Variants in GRID2 observed in about 807,000 individuals in gnomAD.
GRID2 encodes glutamate ionotropic receptor delta type subunit 2, also known as glutamate receptor ionotropic, delta-2.
Under a neutral mutation model 114.8 loss-of-function variants are expected in GRID2, and 33 were observed. The ratio of observed to expected loss-of-function variants is 0.29; its 90% CI spans 0.22 to 0.38. The LOEUF (loss-of-function observed/expected upper bound fraction) is 0.38. Ranked by LOEUF, GRID2 falls within the 10% of genes least tolerant of loss-of-function variation. GRID2 has a pLI of 1.00. For synonymous variants in GRID2, 505 were observed against 449.9 expected (o/e 1.12, Z -1.55); for missense variants, 1,184 against 1,257.7 (o/e 0.94, Z 0.89).
chr4:93,019,972 T>C (rs765067090), intron 2 of GRID2, among the ~76,000 whole-genome samples: 1 of 152,210 alleles, frequency 6.6e-6, no homozygotes. Flanking sequence ...GGAATCCGAT[T>C]GCCTGTGTTC....
rs528800787 is a variant in GRID2, at chr4:92,528,672, G to A, written c.89-61459G>A. 4.6e-5 allele frequency among the ~76,000 whole-genome samples: 7 copies of A among 151,964 alleles called. No homozygotes were observed. In the South Asian group the frequency reaches 6.2e-4, roughly 14 times the overall value. ...AAGCAGGCAGAGCATACATACATGCGGGGAAAGCCAGCTGAAGAAGTGTGT... is the reference window on the plus strand; with the variant it reads ...AAGCAGGCAGAGCATACATACATGCAGGGAAAGCCAGCTGAAGAAGTGTGT... On this transcript the variant is annotated intron_variant, in intron 1 of 15. Coordinates refer to ENST00000282020, the MANE Select transcript of GRID2 (RefSeq NM_001510.4).
intron 1 of GRID2, among the ~76,000 whole-genome samples, chr4:92,448,775 A>AG (rs1733602230): frequency 6.6e-6 from 1 of 152,128 alleles, no homozygotes; most frequent in Non-Finnish European, 1.5e-5. Context: ...ATTTGGGTAA[A>AG]AAGCATAAAC....
intron 1 of GRID2, among the ~76,000 whole-genome samples, chr4:92,444,924 A>G (rs970489752): frequency 2.0e-5 from 3 of 152,152 alleles, no homozygotes; most frequent in Admixed American, 6.5e-5. Flanking sequence ...AGACAAATCT[A>G]TGAGAAATTA....
intron 14 of GRID2, among the ~76,000 whole-genome samples, chr4:93,657,584 C>G (rs1423675895): frequency 1.3e-5 from 2 of 151,984 alleles, no homozygotes; most frequent in East Asian, 1.9e-4. Flanking sequence ...CCAAGTAATA[C>G]TACACTCTTT....
intron 4 of GRID2, among the ~76,000 whole-genome samples, chr4:93,163,508 C>T (rs1387482673): frequency 6.7e-6 from 1 of 148,972 alleles, no homozygotes; most frequent in Non-Finnish European, 1.5e-5. Flanking sequence ...AAGTGATCTT[C>T]CCACCTCAGT....
chr4:93,027,320 A>G (rs905412444), intron 2 of GRID2, among the ~76,000 whole-genome samples: 24 of 152,108 alleles, frequency 1.6e-4, no homozygotes, highest in African/African-American at 5.8e-4. Context: ...TTCACACTTT[A>G]TTACTAACTT....
rs1429849169 is a variant in GRID2, at chr4:92,999,087, TA to T, written c.245-85907del. On this transcript the variant is annotated intron_variant, in intron 2 of 15. Transcript: ENST00000282020. ...AAATTTAAGTGTGTTTTTAATGTAC[TA>T]TTTTTTTCCATAGGAAATGAAAGCT... Among the ~76,000 whole-genome samples, 4 of 152,038 alleles carry T rather than the reference TA, an allele frequency of 2.6e-5. No individual in the cohort carries two copies. In the East Asian group the frequency reaches 7.7e-4, roughly 29 times the overall value.
chr4:93,567,947 C>T (rs1735587958), intron 13 of GRID2, among the ~76,000 whole-genome samples: 1 of 152,236 alleles, frequency 6.6e-6, no homozygotes, highest in South Asian at 2.1e-4. Context: ...GTATTCACAA[C>T]AGACTGGCAT....
intron 2 of GRID2, among the ~76,000 whole-genome samples, chr4:92,948,263 T>G (rs1351760613): frequency 6.6e-6 from 1 of 151,922 alleles, no homozygotes; most frequent in Non-Finnish European, 1.5e-5. Context: ...GTAACTTTGT[T>G]TGGAATAGAA....
At chr4:93,274,594 C>T (rs1184187894) in intron 8 of GRID2, among the ~76,000 whole-genome samples, 2 of 152,120 alleles carry the variant, frequency 1.3e-5, no homozygotes, top group South Asian at 2.1e-4. Context: ...GAAAAATGCT[C>T]ATAGACACTT....
At chr4:92,744,451 G>A (rs1381966875) in intron 2 of GRID2, among the ~76,000 whole-genome samples, 1 of 148,058 alleles carries the variant, frequency 6.8e-6, no homozygotes, top group East Asian at 2.0e-4. Context: ...TCACGCTACT[G>A]CACTCCAGTC....
At position 93,377,633 on chromosome 4, in the gene GRID2, C is replaced by T. The variant is rs1009290995; in HGVS notation, c.1246-17974C>T. Among the ~76,000 whole-genome samples, 4 of 152,142 alleles carry T rather than the reference C, an allele frequency of 2.6e-5. No homozygotes were observed. In the East Asian group the frequency reaches 7.7e-4, roughly 29 times the overall value. Reference sequence around the variant, plus strand: ...AATAGTGCTTGTCATTTTTTACCCTCTTGTACCAAATATATTTCAAAATAT... The same window carrying T: ...AATAGTGCTTGTCATTTTTTACCCTTTTGTACCAAATATATTTCAAAATAT... On this transcript the variant is annotated intron_variant, in intron 8 of 15. Coordinates refer to ENST00000282020, the MANE Select transcript of GRID2 (RefSeq NM_001510.4).
At chr4:93,794,109 C>T (rs1389938381) in intron 1 of GRID2, among the ~76,000 whole-genome samples, 3 of 151,964 alleles carry the variant, frequency 2.0e-5, no homozygotes, top group Non-Finnish European at 4.4e-5. Flanking sequence ...AATTTGTTTC[C>T]ATTGTGAGTG....
intron 1 of GRID2, among the ~76,000 whole-genome samples, chr4:92,379,577 C>G (rs1206117531): frequency 6.6e-6 from 1 of 151,806 alleles, no homozygotes; most frequent in Non-Finnish European, 1.5e-5. Context: ...CGGGGTTGAA[C>G]AGTATATTTT....
intron 8 of GRID2, among the ~76,000 whole-genome samples, chr4:93,377,554 C>A (rs1164811082): frequency 6.6e-6 from 1 of 152,118 alleles, no homozygotes; most frequent in Non-Finnish European, 1.5e-5. Flanking sequence ...CCTGTGATAA[C>A]CTGTCCAGAA....
chr4:93,206,337 G>A (rs1157372765), intron 4 of GRID2, among the ~76,000 whole-genome samples: 2 of 151,876 alleles, frequency 1.3e-5, no homozygotes. Context: ...CTTAGCAGGT[G>A]TTTCTCGGTA....
At chr4:92,668,176 T>C (rs1281576171) in intron 2 of GRID2, among the ~76,000 whole-genome samples, 1 of 151,812 alleles carries the variant, frequency 6.6e-6, no homozygotes. Context: ...TGGAGCAATT[T>C]AATTAAAATT....
intron 2 of GRID2, among the ~76,000 whole-genome samples, chr4:92,675,704 C>T (rs1014645937): frequency 9.9e-5 from 15 of 151,968 alleles, no homozygotes; most frequent in Admixed American, 2.0e-4. Flanking sequence ...GGGTCCGCCA[C>T]GACGCCTGGC....
chr4:92,728,575 C>A (rs1052010073), intron 2 of GRID2, among the ~76,000 whole-genome samples: 4 of 151,930 alleles, frequency 2.6e-5, no homozygotes, highest in Admixed American at 2.6e-4. Flanking sequence ...CACATGAAGA[C>A]AAAATCCACA....
Sources: allele counts gnomAD v4.1 joint callset (sites outside exome capture counted in the v4.1 genomes callset), GRCh38; gene constraint gnomAD v4.1.1; transcripts MANE v1.5; gene names NCBI Gene and HGNC (gene_info 2026-07-23, HGNC 2026-07-21).